The following ADAM23 variants were observed in gnomAD, a reference collection of about 807,000 sequenced individuals.
ADAM23 encodes disintegrin and metalloproteinase domain-containing protein 23.
ADAM23 carries 33 observed loss-of-function variants against 120.1 expected under a neutral mutation model. That is an observed-to-expected ratio of 0.27 (90% CI 0.21 to 0.37). The LOEUF (loss-of-function observed/expected upper bound fraction) is 0.37. Ranked by LOEUF, ADAM23 falls within the 10% of genes least tolerant of loss-of-function variation. The pLI is 1.00. For synonymous variants in ADAM23, 367 were observed against 375.2 expected (o/e 0.98, Z 0.25); for missense variants, 862 against 1,058.2 (o/e 0.81, Z 2.57).
chr2:206,530,596 A>G (rs1009783419), intron 3 of ADAM23, among the ~76,000 whole-genome samples: 1 of 142,482 alleles, frequency 7.0e-6, no homozygotes, highest in African/African-American at 2.6e-5. Context: ...AGCCTGGGCG[A>G]CAGGGCGAGA....
intron 25 of ADAM23, among the ~76,000 whole-genome samples, chr2:206,611,500 T>C (rs1698826974): frequency 6.6e-6 from 1 of 152,238 alleles, no homozygotes; most frequent in Non-Finnish European, 1.5e-5. Flanking sequence ...ACTCTTATTA[T>C]TTTATAATGC....
chr2:206,553,435 C>A (rs1697575255), intron 9 of ADAM23, among the ~76,000 whole-genome samples: 1 of 151,886 alleles, frequency 6.6e-6, no homozygotes. Flanking sequence ...GACTCCGTCT[C>A]AAAAAAGAGG....
At chr2:206,525,701 C>T (rs1696929486) in intron 3 of ADAM23, among the ~76,000 whole-genome samples, 1 of 152,074 alleles carries the variant, frequency 6.6e-6, no homozygotes, top group South Asian at 2.1e-4. Context: ...AAGCAATTCT[C>T]CTGCCTCAGC....
At chr2:206,585,454 G>T (rs1451869074) in intron 18 of ADAM23, among the ~76,000 whole-genome samples, 1 of 152,198 alleles carries the variant, frequency 6.6e-6, no homozygotes, top group Admixed American at 6.5e-5. Context: ...ATGAGAGTCA[G>T]TTATTCTTTA....
intron 13 of ADAM23, 97 bp downstream of exon 13, chr2:206,562,390 T>G: frequency 1.1e-6 from 1 of 884,088 alleles, no homozygotes; most frequent in Non-Finnish European, 1.8e-6. Context: ...CCAGTCATTA[T>G]AGTTTAATTG....
intron 3 of ADAM23, among the ~76,000 whole-genome samples, chr2:206,520,325 A>G (rs977537393): frequency 6.6e-6 from 1 of 152,194 alleles, no homozygotes; most frequent in African/African-American, 2.4e-5. Context: ...AGAGGAAGAG[A>G]GCACACAAAA....
chr2:206,573,058 T>C (rs754593909), intron 17 of ADAM23, 57 bp from the exon 18 acceptor site: 20 of 1,563,362 alleles, frequency 1.3e-5, no homozygotes, highest in Non-Finnish European at 1.8e-5. Flanking sequence ...AAGAATGTTA[T>C]AATAACTCTG....
At chr2:206,472,940 T>C (rs1695691457) in intron 2 of ADAM23, among the ~76,000 whole-genome samples, 1 of 152,192 alleles carries the variant, frequency 6.6e-6, no homozygotes, top group Non-Finnish European at 1.5e-5. Context: ...GCTTTGTTGA[T>C]GCTTTGGTCT....
chr2:206,530,957 A>G lies in ADAM23; in HGVS notation c.573+9A>G, dbSNP rs769776346. On this transcript the variant is annotated intron_variant, in intron 4 of 25. Transcript: ENST00000264377. ...AACCACAGTACTCTAAGGTACGGTT[A>G]CCGGCGTCGGCAAGTACTCTAGTAT... is the stretch of plus-strand genomic sequence containing the variant. The G allele has an allele frequency of 7.4e-6, 12 of 1,612,802 alleles. No individual in the cohort carries two copies. Among genetic ancestry groups the G allele is most frequent in the African/African-American group, 1.3e-5 (1 of 74,896 alleles).
intron 18 of ADAM23, among the ~76,000 whole-genome samples, chr2:206,586,669 C>A (rs1459732348): frequency 2.0e-5 from 3 of 152,064 alleles, no homozygotes; most frequent in Non-Finnish European, 4.4e-5. Context: ...TTTTTCCATT[C>A]TCTTAAATGT....
At chr2:206,486,612 C>A (rs2105882212) in intron 3 of ADAM23, among the ~76,000 whole-genome samples, 1 of 152,236 alleles carries the variant, frequency 6.6e-6, no homozygotes, top group African/African-American at 2.4e-5. Flanking sequence ...TGGTTGAAAG[C>A]ATGGGTAACT....
chr2:206,537,477 A>G (rs1202188455), intron 4 of ADAM23, among the ~76,000 whole-genome samples: 1 of 152,088 alleles, frequency 6.6e-6, no homozygotes, highest in Non-Finnish European at 1.5e-5. Context: ...GAGGTGCTGT[A>G]TTGGAGTCAG....
At chr2:206,507,614 A>G (rs1041369390) in intron 3 of ADAM23, among the ~76,000 whole-genome samples, 1 of 152,228 alleles carries the variant, frequency 6.6e-6, no homozygotes, top group African/African-American at 2.4e-5. Context: ...TCTTTATAGC[A>G]ATGCGAGAAA....
intron 6 of ADAM23, among the ~76,000 whole-genome samples, chr2:206,544,651 C>G (rs1697359254): frequency 1.4e-5 from 2 of 143,440 alleles, no homozygotes; most frequent in South Asian, 4.4e-4. Context: ...CTCGCTCTTT[C>G]GCCTAGGCTG....
Position 206,445,341 on chromosome 2 carries a change from G to C in ADAM23, c.249G>C (p.Leu83Phe). 1 of 1,613,676 alleles carries C rather than the reference G, an allele frequency of 6.2e-7. No individual in the cohort carries two copies. Among genetic ancestry groups the C allele is most frequent in the Non-Finnish European group, 8.5e-7 (1 of 1,179,842 alleles). Reference sequence around the variant, plus strand: ...GGAATGAAACTGCAGAAAAAAATTTGGGAGTCCTGGCAGATGAAGACAATA... The same window carrying C: ...GGAATGAAACTGCAGAAAAAAATTTCGGAGTCCTGGCAGATGAAGACAATA... ...PHWNETAEKN[L>F]GVLADEDNTL... The change falls in exon 2 of 26, where the codon TTG (leucine) becomes TTC (phenylalanine). Residue 83 changes from leucine (L) to phenylalanine (F), a missense_variant. By Grantham distance (22) the Leu-to-Phe change is conservative (BLOSUM62 0). This residue lies in a region of ADAM23 where 225 missense variants were observed against 204.0 expected (regional missense o/e 1.10). Coordinates refer to ENST00000264377, the MANE Select transcript of ADAM23 (RefSeq NM_003812.4).
chr2:206,575,594 AGTACACTTG>A (rs1163389308), intron 18 of ADAM23, among the ~76,000 whole-genome samples: 4 of 152,138 alleles, frequency 2.6e-5, no homozygotes, highest in Non-Finnish European at 5.9e-5. Context: ...CTCCCAATAG[AGTACACTTG>A]GCAGTCAAAA....
intron 25 of ADAM23, among the ~76,000 whole-genome samples, chr2:206,615,805 T>G (rs544014902): frequency 6.6e-6 from 1 of 152,360 alleles, no homozygotes; most frequent in Admixed American, 6.5e-5. Flanking sequence ...CACAAGCTTT[T>G]GGACACCAGC....
chr2:206,477,704 T>C (rs979095202), intron 2 of ADAM23, among the ~76,000 whole-genome samples: 5 of 151,830 alleles, frequency 3.3e-5, no homozygotes, highest in African/African-American at 1.2e-4. Context: ...AGAAGAACAA[T>C]ACTGTAGGTA....
At chr2:206,524,590 C>A (rs1696906980) in intron 3 of ADAM23, among the ~76,000 whole-genome samples, 2 of 152,172 alleles carry the variant, frequency 1.3e-5, no homozygotes, top group Non-Finnish European at 2.9e-5. Flanking sequence ...GCTAGGGAGG[C>A]CCCACAATCA....
Sources: allele counts gnomAD v4.1 joint callset (sites outside exome capture counted in the v4.1 genomes callset), GRCh38; gene constraint gnomAD v4.1.1; regional missense constraint gnomAD v4.1.1; transcripts MANE v1.5; gene names NCBI Gene and HGNC (gene_info 2026-07-23, HGNC 2026-07-21).